The following CCDC171 variants were observed in gnomAD, a reference collection of about 807,000 sequenced individuals.
CCDC171 encodes the protein coiled-coil domain containing 171.
CCDC171 carries 177 observed loss-of-function variants against 168.2 expected under a neutral mutation model. The observed-to-expected ratio is 1.05, with a 90% confidence interval of 0.93 to 1.19. The LOEUF is 1.19. CCDC171 is among the 50% of genes most tolerant of loss of function. The pLI is 0.00. For missense variants in CCDC171, 1,991 were observed against 1,539.0 expected (o/e 1.29, Z -4.91); for synonymous variants, 687 against 540.8 (o/e 1.27, Z -3.75).
At chr9:15,730,841 G>T (rs2054106526) in intron 16 of CCDC171, among the ~76,000 whole-genome samples, 2 of 151,902 alleles carry the variant, frequency 1.3e-5, no homozygotes, top group Admixed American at 6.6e-5. Flanking sequence ...TAATATTGAA[G>T]TAAAAGAGCT....
the CCDC171 span, among the ~76,000 whole-genome samples, chr9:16,067,783 T>C: frequency 6.6e-6 from 1 of 152,182 alleles, no homozygotes; most frequent in East Asian, 1.9e-4. Context: ...AGATATGCAG[T>C]GTTATTTCTG....
At chr9:15,956,845 C>T (rs1025897889) in intron 25 of CCDC171, among the ~76,000 whole-genome samples, 1 of 152,050 alleles carries the variant, frequency 6.6e-6, no homozygotes, top group Non-Finnish European at 1.5e-5. Context: ...TCCGCTTTTA[C>T]TTGTCAGATG....
chr9:16,005,091 T>A (rs1832657450), intron 3 of CCDC171, among the ~76,000 whole-genome samples: 1 of 152,220 alleles, frequency 6.6e-6, no homozygotes, highest in Admixed American at 6.5e-5. Flanking sequence ...CACAAATATG[T>A]GCAACTTTCA....
chr9:15,794,363 G>T (rs2058439220), intron 21 of CCDC171, among the ~76,000 whole-genome samples: 1 of 152,126 alleles, frequency 6.6e-6, no homozygotes, highest in African/African-American at 2.4e-5. Flanking sequence ...TAGTCGGGAG[G>T]CTGAGGCAGG....
At chr9:16,033,947 A>G (rs1211759881) in intron 6 of CCDC171, among the ~76,000 whole-genome samples, 1 of 152,184 alleles carries the variant, frequency 6.6e-6, no homozygotes, top group East Asian at 1.9e-4. Context: ...AGGGGAGTGG[A>G]ATGGTGTCTT....
At chr9:15,843,473 G>A (rs2060769337) in intron 21 of CCDC171, among the ~76,000 whole-genome samples, 1 of 151,882 alleles carries the variant, frequency 6.6e-6, no homozygotes, top group Admixed American at 6.6e-5. Context: ...TTCTTGGTAA[G>A]TATTAAGACC....
intron 6 of CCDC171, among the ~76,000 whole-genome samples, chr9:15,603,769 T>A (rs1362797921): frequency 1.3e-5 from 2 of 152,178 alleles, no homozygotes; most frequent in Admixed American, 1.3e-4. Context: ...TATATACCTA[T>A]TAATGGGATT....
chr9:15,902,275 T>TAC (rs1412190523), intron 24 of CCDC171, among the ~76,000 whole-genome samples: 4 of 99,986 alleles, frequency 4.0e-5, no homozygotes, highest in African/African-American at 1.3e-4. Flanking sequence ...TATATATATA[T>TAC]ATATATACAC....
intron 1 of CCDC171, among the ~76,000 whole-genome samples, chr9:16,048,474 C>T (rs1833696199): frequency 1.3e-5 from 2 of 152,098 alleles, no homozygotes; most frequent in African/African-American, 4.8e-5. Flanking sequence ...TGACGTTGGG[C>T]CCTGGTACTT....
At chr9:15,772,241 A>G (rs757524327) in intron 18 of CCDC171, among the ~76,000 whole-genome samples, 4 of 152,078 alleles carry the variant, frequency 2.6e-5, no homozygotes, top group Admixed American at 2.6e-4. Flanking sequence ...TATTTCCTGT[A>G]TTTCCAGTTT....
intron 6 of CCDC171, among the ~76,000 whole-genome samples, chr9:15,620,892 C>T (rs2132025959): frequency 6.6e-6 from 1 of 152,292 alleles, no homozygotes; most frequent in East Asian, 1.9e-4. Flanking sequence ...GGACCTTCCA[C>T]CATTAAAGAT....
At chr9:16,094,634 C>T in the CCDC171 span, among the ~76,000 whole-genome samples, 1 of 152,138 alleles carries the variant, frequency 6.6e-6, no homozygotes, top group African/African-American at 2.4e-5. Flanking sequence ...TGAGTTTTCT[C>T]CTCAAGAGTG....
intron 7 of CCDC171, among the ~76,000 whole-genome samples, chr9:15,656,771 C>T (rs756699045): frequency 3.9e-5 from 6 of 152,058 alleles, no homozygotes; most frequent in Non-Finnish European, 5.9e-5. Flanking sequence ...TACCAAGAGA[C>T]ATAAGGAATC....
At chr9:15,599,510 A>T (rs1044528130) in intron 6 of CCDC171, among the ~76,000 whole-genome samples, 1 of 152,156 alleles carries the variant, frequency 6.6e-6, no homozygotes, top group Non-Finnish European at 1.5e-5. Flanking sequence ...TTTTCTGCCG[A>T]GAGATCCGCT....
At chr9:16,054,904 G>A (rs1043383416) in intron 1 of CCDC171, among the ~76,000 whole-genome samples, 7 of 152,172 alleles carry the variant, frequency 4.6e-5, no homozygotes, top group African/African-American at 1.2e-4. Flanking sequence ...ATCCAAACAC[G>A]CAGGGCGGGG....
At chr9:16,088,073 C>A in the CCDC171 span, among the ~76,000 whole-genome samples, 4 of 152,136 alleles carry the variant, frequency 2.6e-5, no homozygotes, top group Non-Finnish European at 4.4e-5. Context: ...TCAACATATG[C>A]AAATCAATAA....
intron 23 of CCDC171, among the ~76,000 whole-genome samples, chr9:15,868,339 G>A (rs966336093): frequency 2.0e-5 from 3 of 152,024 alleles, no homozygotes; most frequent in African/African-American, 7.2e-5. Flanking sequence ...TTTCCAGTAG[G>A]TGTGGAACAC....
rs1218940637 is a variant in CCDC171 at position 15,678,739 on chromosome 9, T to C, written c.1077-19T>C. ...GTAAGCATGTTTGAAAAACCTGCTC[T>C]GACACTTTAACTTTTCAGATTAGAA... On this transcript the variant is annotated intron_variant, in intron 9 of 25. Transcript: ENST00000380701. 6.4e-7 allele frequency: 1 copy of C among 1,572,642 alleles called. No individual in the cohort carries two copies. Among genetic ancestry groups the C allele is most frequent in the Non-Finnish European group, 8.6e-7 (1 of 1,167,262 alleles).
At chr9:15,646,606 C>G (rs1313918966) in intron 7 of CCDC171, among the ~76,000 whole-genome samples, 1 of 151,530 alleles carries the variant, frequency 6.6e-6, no homozygotes, top group Non-Finnish European at 1.5e-5. Context: ...TAATCTTAGT[C>G]TCTGATAAAG....
Sources: allele counts gnomAD v4.1 joint callset (sites outside exome capture counted in the v4.1 genomes callset), GRCh38; gene constraint gnomAD v4.1.1; transcripts MANE v1.5; gene names NCBI Gene and HGNC (gene_info 2026-07-23, HGNC 2026-07-21).